The following KANSL1 variants were observed in gnomAD, a reference collection of about 807,000 sequenced individuals.
KANSL1 encodes MLL1/MLL complex subunit KANSL1.
A neutral mutation model predicts 103.6 loss-of-function variants in KANSL1; 22 were observed. That is an observed-to-expected ratio of 0.21 (90% CI 0.15 to 0.30). The LOEUF (loss-of-function observed/expected upper bound fraction) is 0.30, where lower values mean the gene tolerates loss of function less well. Among genes scored for constraint, KANSL1 ranks in the 10% least tolerant of loss-of-function variants. KANSL1 has a pLI of 1.00. For missense variants in KANSL1, 1,337 were observed against 1,399.8 expected, an observed-to-expected ratio of 0.96 and a Z score of 0.72; for synonymous variants, 600 against 527.6, an observed-to-expected ratio of 1.14 and a Z score of -1.88.
intron 2 of KANSL1, among the ~76,000 whole-genome samples, chr17:46,097,351 C>G (rs2042130242): frequency 6.6e-6 from 1 of 152,190 alleles, no homozygotes; most frequent in Non-Finnish European, 1.5e-5. Context: ...TATGTATCAA[C>G]ATGACCTAAT....
At chr17:46,184,622 T>G (rs2046933281) in intron 1 of KANSL1, among the ~76,000 whole-genome samples, 1 of 152,208 alleles carries the variant, frequency 6.6e-6, no homozygotes, top group Non-Finnish European at 1.5e-5. Context: ...ATATGTTTCC[T>G]GGCTCTTCTA....
intron 2 of KANSL1, among the ~76,000 whole-genome samples, chr17:46,153,391 T>C (rs2045233001): frequency 6.6e-6 from 1 of 152,272 alleles, no homozygotes; most frequent in African/African-American, 2.4e-5. Context: ...AGTAACTTTA[T>C]CTTTTATCAA....
intron 4 of KANSL1, among the ~76,000 whole-genome samples, chr17:46,071,747 C>T (rs1406224782): frequency 2.0e-5 from 3 of 152,232 alleles, no homozygotes; most frequent in Non-Finnish European, 4.4e-5. Context: ...ACTTAAGACT[C>T]TCCTACCTAG....
At chr17:46,150,396 G>GT (rs1362835006) in intron 2 of KANSL1, among the ~76,000 whole-genome samples, 1 of 151,930 alleles carries the variant, frequency 6.6e-6, no homozygotes, top group Non-Finnish European at 1.5e-5. Flanking sequence ...CACTTAATCT[G>GT]TATCTTTTCT....
chr17:46,158,589 G>A (rs1292446128), intron 2 of KANSL1, among the ~76,000 whole-genome samples: 3 of 152,200 alleles, frequency 2.0e-5, no homozygotes, highest in Non-Finnish European at 4.4e-5. Context: ...CGCCCAGGCT[G>A]GAGTGCAGTG....
chr17:46,152,143 G>T (rs919721462), intron 2 of KANSL1, among the ~76,000 whole-genome samples: 1 of 152,220 alleles, frequency 6.6e-6, no homozygotes, highest in Non-Finnish European at 1.5e-5. Context: ...AACAAAAATT[G>T]AAAACTATGA....
intron 1 of KANSL1, among the ~76,000 whole-genome samples, chr17:46,205,511 G>A (rs565371183): frequency 2.0e-4 from 31 of 151,590 alleles, no homozygotes; most frequent in South Asian, 1.2e-3. Flanking sequence ...GTGAAACCCC[G>A]TCTCTACTAA....
At chr17:46,147,053 CATAAAAA>C (rs1317199570) in intron 2 of KANSL1, among the ~76,000 whole-genome samples, 1 of 151,856 alleles carries the variant, frequency 6.6e-6, no homozygotes, top group African/African-American at 2.4e-5. Flanking sequence ...AAATAAATCA[CATAAAAA>C]ATAAAAAATT....
intron 2 of KANSL1, among the ~76,000 whole-genome samples, chr17:46,117,248 T>C (rs556016444): frequency 6.6e-6 from 1 of 152,244 alleles, no homozygotes; most frequent in Non-Finnish European, 1.5e-5. Context: ...GAGAATTCCA[T>C]GCTGAACAGC....
intron 6 of KANSL1, among the ~76,000 whole-genome samples, chr17:46,061,578 C>T (rs1050402204): frequency 1.3e-5 from 2 of 152,114 alleles, no homozygotes; most frequent in African/African-American, 4.8e-5. Context: ...GTAATTCCGT[C>T]ATTTTATAAT....
upstream of KANSL1, among the ~76,000 whole-genome samples, chr17:46,197,042 A>T (rs2047633716): frequency 6.6e-6 from 1 of 152,198 alleles, no homozygotes; most frequent in Admixed American, 6.5e-5. Context: ...TGAGCCCAGG[A>T]GGTCAAGGCT....
chr17:46,161,478 C>T (rs1426452809), intron 2 of KANSL1, among the ~76,000 whole-genome samples: 1 of 151,866 alleles, frequency 6.6e-6, no homozygotes, highest in Non-Finnish European at 1.5e-5. Context: ...CAAATCAGTT[C>T]GGTCAAAATC....
chr17:46,204,455 A>C (rs2696454), intron 1 of KANSL1, among the ~76,000 whole-genome samples: 17,236 of 150,140 alleles, frequency 0.11, no homozygotes, highest in Non-Finnish European at 0.17. Flanking sequence ...ACAGAGCAAG[A>C]CTCTATCTCA....
chr17:46,192,567 A>T (rs2047391261), intron 1 of KANSL1: 1 of 152,882 alleles, frequency 6.5e-6, no homozygotes, highest in Admixed American at 6.5e-5. Context: ...AGAACGCCAA[A>T]GGAAAAGCTG....
At chr17:46,190,781 TTG>T (rs1181112928) in intron 1 of KANSL1, among the ~76,000 whole-genome samples, 5 of 152,284 alleles carry the variant, frequency 3.3e-5, no homozygotes, top group African/African-American at 4.8e-5. Flanking sequence ...ACGGCACACT[TTG>T]TTGCATAAAC....
intron 2 of KANSL1, among the ~76,000 whole-genome samples, chr17:46,150,257 T>C (rs2696578): frequency 0.23 from 34,465 of 151,338 alleles, 4,456 homozygotes; most frequent in African/African-American, 0.32. Flanking sequence ...GAATGTCCTT[T>C]CTTCTTTCCC....
intron 1 of KANSL1, among the ~76,000 whole-genome samples, chr17:46,217,669 A>C: frequency 6.6e-6 from 1 of 152,146 alleles, no homozygotes; most frequent in Non-Finnish European, 1.5e-5. Flanking sequence ...TGGGCAGATC[A>C]CTTAAGGTCA....
intron 3 of KANSL1, among the ~76,000 whole-genome samples, chr17:46,085,414 ACTTT>A (rs1401021619): frequency 6.6e-6 from 1 of 152,158 alleles, no homozygotes; most frequent in African/African-American, 2.4e-5. Context: ...ATTGTATCTT[ACTTT>A]CTGTGTATTT....
chr17:46,120,325 C>A (rs897697313), intron 2 of KANSL1, among the ~76,000 whole-genome samples: 3 of 152,168 alleles, frequency 2.0e-5, no homozygotes, highest in African/African-American at 7.2e-5. Flanking sequence ...GTTTCAGGAA[C>A]CCTGTACAAA....
Sources: gnomAD v4.1 joint callset for allele counts (sites outside exome capture counted in the v4.1 genomes callset) on GRCh38, gnomAD v4.1.1 for gene constraint, MANE v1.5 for transcripts, NCBI Gene and HGNC (gene_info 2026-07-23, HGNC 2026-07-21) for gene names.